Variants in PPFIA2 observed in about 807,000 individuals in gnomAD.
PPFIA2 encodes the protein PPFI scaffold protein A2, also known as liprin-alpha-2.
PPFIA2 carries 46 observed loss-of-function variants against 175.5 expected under a neutral mutation model. That is an observed-to-expected ratio of 0.26 (90% CI 0.21 to 0.34). The LOEUF (loss-of-function observed/expected upper bound fraction) is 0.34. PPFIA2 is among the 10% of genes least tolerant of loss of function. The pLI, the probability that PPFIA2 is intolerant of heterozygous loss-of-function variation, is 1.00. For synonymous variants in PPFIA2, 568 were observed against 511.4 expected (o/e 1.11, Z -1.49); for missense variants, 1,179 against 1,506.1 (o/e 0.78, Z 3.60).
At chr12:81,434,042 T>C (rs1255405210) in intron 7 of PPFIA2, among the ~76,000 whole-genome samples, 2 of 152,078 alleles carry the variant, frequency 1.3e-5, no homozygotes, top group African/African-American at 4.8e-5. Flanking sequence ...GGAAAGACTT[T>C]AGCATAAATA....
chr12:81,458,763 T>A (rs192369672), intron 4 of PPFIA2, among the ~76,000 whole-genome samples: 2 of 152,316 alleles, frequency 1.3e-5, no homozygotes, highest in African/African-American at 4.8e-5. Flanking sequence ...TCTGCTATTC[T>A]ACCTTATAAA....
chr12:81,615,761 A>T (rs1287319435), intron 4 of PPFIA2, among the ~76,000 whole-genome samples: 1 of 152,140 alleles, frequency 6.6e-6, no homozygotes, highest in African/African-American at 2.4e-5. Context: ...CTTATGCAAC[A>T]CTTTTTTAGC....
At chr12:81,611,404 A>T (rs2060896149) in intron 4 of PPFIA2, among the ~76,000 whole-genome samples, 1 of 152,136 alleles carries the variant, frequency 6.6e-6, no homozygotes, top group South Asian at 2.1e-4. Flanking sequence ...TGGCCGCAGC[A>T]CTGAGCTCTT....
chr12:81,604,446 G>A (rs1311105327), intron 4 of PPFIA2, among the ~76,000 whole-genome samples: 3 of 151,420 alleles, frequency 2.0e-5, no homozygotes, highest in Non-Finnish European at 4.4e-5. Context: ...GATATGAAAT[G>A]TTGAGTCACA....
At chr12:81,457,689 C>A (rs2053828954) in intron 5 of PPFIA2, 76 bp downstream of exon 5, 1 of 795,578 alleles carries the variant, frequency 1.3e-6, no homozygotes, top group African/African-American at 1.8e-5. Flanking sequence ...CATATATTTT[C>A]TTCTTATATG....
intron 4 of PPFIA2, among the ~76,000 whole-genome samples, chr12:81,469,300 C>T (rs1474807031): frequency 6.6e-6 from 1 of 152,028 alleles, no homozygotes; most frequent in East Asian, 1.9e-4. Context: ...TTATTGGATG[C>T]CTAATATGTA....
At chr12:81,290,512 A>T (rs2044644101) in intron 24 of PPFIA2, among the ~76,000 whole-genome samples, 1 of 151,844 alleles carries the variant, frequency 6.6e-6, no homozygotes, top group Admixed American at 6.6e-5. Context: ...TTGCATCAGT[A>T]TCTGGCAAGA....
chr12:81,375,069 T>C (rs1024548584), intron 10 of PPFIA2, among the ~76,000 whole-genome samples: 1 of 152,112 alleles, frequency 6.6e-6, no homozygotes, highest in Non-Finnish European at 1.5e-5. Flanking sequence ...ACATCAGATA[T>C]ACCACCGTAG....
chr12:81,530,350 G>A (rs1357018830), intron 4 of PPFIA2, among the ~76,000 whole-genome samples: 1 of 151,876 alleles, frequency 6.6e-6, no homozygotes, highest in Admixed American at 6.6e-5. Context: ...TTCAAGATAG[G>A]AAGAAATTTA....
chr12:81,755,333 T>G (rs2084471653), intron 2 of PPFIA2, among the ~76,000 whole-genome samples: 1 of 152,168 alleles, frequency 6.6e-6, no homozygotes, highest in Non-Finnish European at 1.5e-5. Context: ...CAATTTTGGT[T>G]GTTGTACTAT....
At chr12:81,443,228 C>T (rs1425615926) in intron 6 of PPFIA2, among the ~76,000 whole-genome samples, 1 of 151,792 alleles carries the variant, frequency 6.6e-6, no homozygotes, top group Non-Finnish European at 1.5e-5. Flanking sequence ...GAGGTCAGTA[C>T]TAGGATTATC....
chr12:81,512,115 C>T (rs1352907558), intron 4 of PPFIA2, among the ~76,000 whole-genome samples: 4 of 152,000 alleles, frequency 2.6e-5, no homozygotes, highest in African/African-American at 7.2e-5. Context: ...TCTTTTTCTG[C>T]CTGCTTTTAA....
chr12:81,370,384 A>G (rs2034760561), intron 11 of PPFIA2, among the ~76,000 whole-genome samples: 1 of 151,776 alleles, frequency 6.6e-6, no homozygotes, highest in Non-Finnish European at 1.5e-5. Flanking sequence ...CTTGGTCTCA[A>G]ATATTGGTCT....
intron 4 of PPFIA2, among the ~76,000 whole-genome samples, chr12:81,563,930 TGGTATCATAGAAGATGAGTCACTTAC>T (rs2070742755): frequency 6.6e-6 from 1 of 152,204 alleles, no homozygotes. Flanking sequence ...CATTGCAGTA[TGGTATCATAGAAGATGAGTCACTTAC>T]AAAAAACCTT....
At chr12:81,373,158 TG>T (rs1259810483) in intron 11 of PPFIA2, among the ~76,000 whole-genome samples, 3 of 151,902 alleles carry the variant, frequency 2.0e-5, no homozygotes, top group African/African-American at 7.2e-5. Context: ...TTGTGTTACT[TG>T]GGGGAAATTG....
intron 2 of PPFIA2, among the ~76,000 whole-genome samples, chr12:81,757,544 G>C (rs2084878485): frequency 6.6e-6 from 1 of 152,074 alleles, no homozygotes; most frequent in Non-Finnish European, 1.5e-5. Context: ...AAATCTGATT[G>C]GCTTAATTAT....
chr12:81,565,009 G>A (rs1196924973), intron 4 of PPFIA2, among the ~76,000 whole-genome samples: 2 of 152,140 alleles, frequency 1.3e-5, no homozygotes, highest in African/African-American at 4.8e-5. Flanking sequence ...AAAAGAATAG[G>A]ACCCTGCAAC....
Position 81,384,204 on chromosome 12 carries a change from C to T in PPFIA2, c.803G>A (p.Ser268Asn), listed in dbSNP as rs1195581419. 2 of 1,604,110 alleles carry T rather than the reference C, an allele frequency of 1.2e-6. No individual in the cohort carries two copies. Among genetic ancestry groups the T allele is most frequent in the African/African-American group, 2.7e-5 (2 of 74,776 alleles). Residue 268 changes from serine (S) to asparagine (N), a missense_variant, in exon 9 of 33, where the codon AGT becomes AAT. Physicochemically the swap from Ser to Asn is conservative, Grantham distance 46. Around this residue, in one of 10 missense-constraint regions of PPFIA2, gnomAD observed 226 missense variants for 216.6 expected, o/e 1.04. Transcript: ENST00000549396. The stretch of plus-strand genomic sequence containing the variant: ...CAATTCTTGTAGTTCAACTATTTGA[C>T]TAGTTTCATCGGTTGAGTCTATAGA... ...NGSIDSTDET[S>N]QIVELQELLE...
intron 4 of PPFIA2, among the ~76,000 whole-genome samples, chr12:81,626,301 T>G (rs1329441661): frequency 6.6e-6 from 1 of 152,014 alleles, no homozygotes; most frequent in Non-Finnish European, 1.5e-5. Context: ...AAGCTTTTTA[T>G]GTTGTTCATC....
Sources: allele counts gnomAD v4.1 joint callset (sites outside exome capture counted in the v4.1 genomes callset), GRCh38; gene constraint gnomAD v4.1.1; regional missense constraint gnomAD v4.1.1; transcripts MANE v1.5; gene names NCBI Gene and HGNC (gene_info 2026-07-23, HGNC 2026-07-21).